Variants in PYROXD1 observed in about 807,000 individuals in gnomAD.
The protein encoded by PYROXD1 is tRNA ligase complex-associated NAD(P)H dehydrogenase PYROXD1.
Under a neutral mutation model 62.0 loss-of-function variants are expected in PYROXD1, and 42 were observed. That is an observed-to-expected ratio of 0.68 (90% CI 0.53 to 0.88). The LOEUF is 0.88. PYROXD1 is among the 40% of genes least tolerant of loss of function. The probability of loss-of-function intolerance (pLI) is 0.00; values close to 1 mark genes in which losing one functional copy is unlikely to be tolerated. For synonymous variants in PYROXD1, 170 were observed against 206.4 expected (o/e 0.82, Z 1.51); for missense variants, 493 against 604.8 (o/e 0.82, Z 1.94).
At chr12:21,439,650 C>T (rs773214763) in intron 1 of PYROXD1, among the ~76,000 whole-genome samples, 31 of 151,992 alleles carry the variant, frequency 2.0e-4, no homozygotes, top group Non-Finnish European at 4.1e-4. Context: ...ATTCATAGAT[C>T]CCTCAAACAT....
chr12:21,462,253 A>G, intron 9 of PYROXD1, 133 bp downstream of exon 9: 1 of 606,656 alleles, frequency 1.6e-6, no homozygotes, highest in Admixed American at 2.9e-5. Context: ...CAGTTTGGTT[A>G]AAACATTGTC....
intron 2 of PYROXD1, chr12:21,441,358 G>A (rs1942290806): frequency 6.6e-6 from 1 of 152,158 alleles, no homozygotes; most frequent in South Asian, 2.1e-4. Flanking sequence ...TTAAATACAT[G>A]TTCTACTCCT....
chr12:21,451,220 T>G (rs1942490206), intron 4 of PYROXD1, among the ~76,000 whole-genome samples: 1 of 106,224 alleles, frequency 9.4e-6, no homozygotes, highest in Admixed American at 9.8e-5. Flanking sequence ...ACCACTGGCT[T>G]CTCTCTCTCT....
Position 21,470,125 on chromosome 12 carries a change from C to G in PYROXD1, c.*1371C>G. On this transcript the variant is annotated 3_prime_UTR_variant, in exon 12 of 12. Transcript: ENST00000240651. Reference sequence around the variant, plus strand: ...ATGAAATTCTTTTAAAAACTATTGTCTAACTACAAAAATAATGGCATATAC... The same window carrying G: ...ATGAAATTCTTTTAAAAACTATTGTGTAACTACAAAAATAATGGCATATAC... 9 of 1,541,494 alleles carry G rather than the reference C, an allele frequency of 5.8e-6. No individual in the cohort carries two copies. Among genetic ancestry groups the G allele is most frequent in the Non-Finnish European group, 7.0e-6 (8 of 1,135,724 alleles).
At chr12:21,438,797 C>T (rs1048856869) in intron 1 of PYROXD1, among the ~76,000 whole-genome samples, 11 of 152,060 alleles carry the variant, frequency 7.2e-5, no homozygotes, top group African/African-American at 2.7e-4. Context: ...TCGTTGGATG[C>T]GTATTTTCCG....
chr12:21,464,924 G>GT (rs1165997896), intron 10 of PYROXD1, among the ~76,000 whole-genome samples: 1 of 152,062 alleles, frequency 6.6e-6, no homozygotes, highest in South Asian at 2.1e-4. Context: ...GTGGTGTTTG[G>GT]TTTTTTGTCC....
In PYROXD1 at chr12:21,452,432, G is replaced by T. The variant is rs11046064; in HGVS notation, c.488+278G>T. Among the ~76,000 whole-genome samples, 74,655 of 151,716 alleles carry T rather than the reference G, an allele frequency of 0.49. 18,406 individuals carry two copies. Among genetic ancestry groups the T allele is most frequent in the Middle Eastern group, 0.59 (172 of 294 alleles). On this transcript the variant is annotated intron_variant, in intron 5 of 11. Coordinates refer to ENST00000240651, the MANE Select transcript of PYROXD1 (RefSeq NM_024854.5). ...GTCTCAAGGTGATTGGCCAAATTTGGCCCATAAATGTGTTTTATAAGTATA... is the reference window on the plus strand; with the variant it reads ...GTCTCAAGGTGATTGGCCAAATTTGTCCCATAAATGTGTTTTATAAGTATA...
At chr12:21,461,913 T>C (rs544652850) in intron 8 of PYROXD1, 95 bp from the exon 9 acceptor site, 1 of 623,268 alleles carries the variant, frequency 1.6e-6, no homozygotes, top group African/African-American at 1.8e-5. Flanking sequence ...TTTCTTTTTC[T>C]TTCTTTGTTT....
chr12:21,444,098 C>T lies in PYROXD1; in HGVS notation c.166-1249C>T, dbSNP rs561434112. The stretch of plus-strand genomic sequence containing the variant: ...TGCCGGTTTTGTAAGTTATATACAA[C>T]AGAAGGAAAAAGCTTGGTTTCTAGG... On this transcript the variant is annotated intron_variant, in intron 2 of 11. Transcript: ENST00000240651. 9.7e-4 allele frequency among the ~76,000 whole-genome samples: 147 copies of T among 152,186 alleles called. 1 individual carries two copies. Among genetic ancestry groups the T allele is most frequent in the African/African-American group, 3.4e-3 (143 of 41,516 alleles).
intron 10 of PYROXD1, among the ~76,000 whole-genome samples, chr12:21,463,754 G>A (rs570953930): frequency 4.0e-5 from 6 of 151,372 alleles, no homozygotes; most frequent in Middle Eastern, 3.4e-3. Context: ...AGTCCCAACT[G>A]GATCTAGACT....
chr12:21,452,185 T>TC, intron 5 of PYROXD1, 31 bp downstream of exon 5: 1 of 1,266,798 alleles, frequency 7.9e-7, no homozygotes, highest in Non-Finnish European at 1.1e-6. Context: ...ATGATAACAT[T>TC]TAAATTGTTT....
intron 10 of PYROXD1, 52 bp downstream of exon 10, chr12:21,462,914 T>C (rs1477401232): frequency 1.3e-6 from 2 of 1,557,206 alleles, no homozygotes; most frequent in East Asian, 4.6e-5. Context: ...TGTCTGAAAA[T>C]AAAGCGGTTG....
At chr12:21,457,414 G>T (rs1316775532) in intron 7 of PYROXD1, among the ~76,000 whole-genome samples, 1 of 148,086 alleles carries the variant, frequency 6.8e-6, no homozygotes, top group Non-Finnish European at 1.5e-5. Flanking sequence ...GTCAATGAGT[G>T]TAGTATTTTG....
Position 21,460,080 on chromosome 12 carries a change from AGCAT to A in PYROXD1, c.751-937_751-934del, listed in dbSNP as rs200349933. Among the ~76,000 whole-genome samples the A allele has an allele frequency of 2.2e-4, 33 of 152,302 alleles. No homozygotes were observed. In the East Asian group the frequency reaches 5.8e-3, roughly 27 times the overall value. On this transcript the variant is annotated intron_variant, in intron 7 of 11. Coordinates refer to ENST00000240651, the MANE Select transcript of PYROXD1 (RefSeq NM_024854.5). Reference sequence around the variant, plus strand: ...GCTGTGAAATCTAAATGCTGTAAGAAGCATGCATGCAGTCCTTCGTTACTTTGTG... The same window carrying A: ...GCTGTGAAATCTAAATGCTGTAAGAAGCATGCAGTCCTTCGTTACTTTGTG...
chr12:21,465,743 T>C (rs955147967), intron 10 of PYROXD1, among the ~76,000 whole-genome samples: 3 of 152,242 alleles, frequency 2.0e-5, no homozygotes, highest in Admixed American at 2.0e-4. Flanking sequence ...TCCTTGCCCA[T>C]GCCTATGTCC....
In PYROXD1 at chr12:21,468,725, A is replaced by G. The variant is rs1317667661; in HGVS notation, c.1474A>G (p.Asn492Asp). 1 of 1,608,780 alleles carries G rather than the reference A, an allele frequency of 6.2e-7. No homozygotes were observed. The highest frequency in any genetic ancestry group is 1.3e-5 in the African/African-American group (1 of 74,894). ...SSYGEDLLDPNIDIEDYFD is the reference protein window; with the variant it reads ...SSYGEDLLDPDIDIEDYFD ...ATATGGAGAAGATCTGCTAGATCCAAATATTGATATAGAAGATTATTTTGA... is the reference window on the plus strand; with the variant it reads ...ATATGGAGAAGATCTGCTAGATCCAGATATTGATATAGAAGATTATTTTGA... Residue 492 changes from asparagine (N) to aspartate (D), a missense_variant, in exon 12 of 12, where the codon AAT (asparagine) becomes GAT (aspartate). Physicochemically the swap from Asn to Asp is conservative, Grantham distance 23 (BLOSUM62 1). Coordinates refer to ENST00000240651, the MANE Select transcript of PYROXD1 (RefSeq NM_024854.5).
chr12:21,460,086 C>T (rs1379650885), intron 7 of PYROXD1, among the ~76,000 whole-genome samples: 1 of 152,122 alleles, frequency 6.6e-6, no homozygotes, highest in Non-Finnish European at 1.5e-5. Context: ...AAGAAGCATG[C>T]ATGCAGTCCT....
intron 1 of PYROXD1, among the ~76,000 whole-genome samples, chr12:21,439,478 C>A (rs529263184): frequency 1.3e-4 from 20 of 152,028 alleles, no homozygotes; most frequent in Non-Finnish European, 2.9e-4. Context: ...TGAGAAGAAT[C>A]GCATGGGTGT....
At position 21,461,107 on chromosome 12, in the gene PYROXD1, A is replaced by G. The variant is rs770153727; in HGVS notation, c.833A>G (p.Lys278Arg). Residue 278 changes from lysine (K) to arginine (R), a missense_variant, in exon 8 of 12, where the codon AAG becomes AGG. Transcript: ENST00000240651. Reference protein sequence around the residue: ...LQDEFRILKKKSFTFPRDHKS... With the variant: ...LQDEFRILKKRSFTFPRDHKS... ...GATGAGTTTAGAATTTTGAAGAAAA[A>G]GTCCTTCACTTTTCCAAGAGACCAT... 2 of 1,591,218 alleles carry G rather than the reference A, an allele frequency of 1.3e-6. No homozygotes were observed. Among genetic ancestry groups the G allele is most frequent in the Non-Finnish European group, 1.7e-6 (2 of 1,169,096 alleles).
Sources: gnomAD v4.1 joint callset for allele counts (sites outside exome capture counted in the v4.1 genomes callset) on GRCh38, gnomAD v4.1.1 for gene constraint, MANE v1.5 for transcripts, NCBI Gene and HGNC (gene_info 2026-07-23, HGNC 2026-07-21) for gene names.